TANC1: variants seen among roughly 807,000 people sequenced by gnomAD.
TANC1 encodes protein TANC1.
TANC1 carries 77 observed loss-of-function variants against 149.7 expected under a neutral mutation model. The observed-to-expected ratio is 0.51, with a 90% CI of 0.43 to 0.62. The LOEUF (loss-of-function observed/expected upper bound fraction) is 0.62. TANC1 is among the 20% of genes least tolerant of loss of function. TANC1 has a pLI of 0.00. For missense variants in TANC1, 1,985 were observed against 2,321.8 expected (o/e 0.85, Z 2.98); for synonymous variants, 854 against 925.0 (o/e 0.92, Z 1.39).
chr2:159,010,285 G>A (rs1223214116), intron 2 of TANC1, among the ~76,000 whole-genome samples: 1 of 152,176 alleles, frequency 6.6e-6, no homozygotes, highest in Non-Finnish European at 1.5e-5. Context: ...TAACTAATTA[G>A]TTGCATTTGT....
chr2:159,143,079 C>CAAAAAAAAA (rs57371944), intron 5 of TANC1, among the ~76,000 whole-genome samples: 3 of 133,862 alleles, frequency 2.2e-5, no homozygotes, highest in East Asian at 2.2e-4. Flanking sequence ...AAAAAAAAAA[C>CAAAAAAAAA]AACAAAACAA....
At position 159,150,390 on chromosome 2, in the gene TANC1, C is replaced by T. The variant is rs2052649429; in HGVS notation, c.516C>T (p.Gly172=). ...TGCAGTGCACAGCTCTGAGTCAAGG[C>T]ATCAGTCCTTGCTCCACACTAACAA... ...NETMCTALSQ[G]ISPCSTLTSS... is the part of the protein sequence containing the mutation. The change falls in exon 7 of 27, where the codon GGC becomes GGT. Residue 172 remains glycine, a synonymous_variant. Transcript: ENST00000263635. 1 of 1,614,126 alleles carries T rather than the reference C, an allele frequency of 6.2e-7. No homozygotes were observed. Among genetic ancestry groups the T allele is most frequent in the African/African-American group, 1.3e-5 (1 of 75,036 alleles).
chr2:159,153,320 C>T (rs936892263), intron 7 of TANC1, among the ~76,000 whole-genome samples: 3 of 152,202 alleles, frequency 2.0e-5, no homozygotes, highest in African/African-American at 7.2e-5. Context: ...CTGTGTTTTT[C>T]CTCTGCTCAA....
rs140307897 is a variant in TANC1 at position 158,985,119 on chromosome 2, G to C, written c.-125-15961G>C. 4.2e-4 allele frequency among the ~76,000 whole-genome samples: 64 copies of C among 152,324 alleles called. 5 individuals carry two copies. The highest frequency in any genetic ancestry group is 1.5e-3 in the African/African-American group (63 of 41,572). ...GAGGCTTTTGAAGTAGGTCAGGTGA[G>C]AGATGATGTTTGAGGCCTGAGTTAG... On this transcript the variant is annotated intron_variant, in intron 1 of 26. Coordinates refer to ENST00000263635, the MANE Select transcript of TANC1 (RefSeq NM_033394.3).
Position 159,102,979 on chromosome 2 carries a change from G to C in TANC1, c.259+5145G>C, listed in dbSNP as rs1257410756. Among the ~76,000 whole-genome samples, 10 of 90,470 alleles carry C rather than the reference G, an allele frequency of 1.1e-4. 5 individuals carry two copies. Among genetic ancestry groups the C allele is most frequent in the Non-Finnish European group, 3.1e-4 (10 of 32,724 alleles). 59.4% of individuals were successfully genotyped at this position (90,470 alleles called of 152,430 possible). On this transcript the variant is annotated intron_variant, in intron 4 of 26. Coordinates refer to ENST00000263635, the MANE Select transcript of TANC1 (RefSeq NM_033394.3). Reference sequence around the variant, plus strand: ...ACGATCCGCCCACCTTGGCCTCCCAGAGTGCTGGGATTACAGGCATGAGCC... The same window carrying C: ...ACGATCCGCCCACCTTGGCCTCCCACAGTGCTGGGATTACAGGCATGAGCC...
At chr2:159,072,859 C>T (rs1402945921) in intron 3 of TANC1, among the ~76,000 whole-genome samples, 1 of 152,128 alleles carries the variant, frequency 6.6e-6, no homozygotes, top group African/African-American at 2.4e-5. Context: ...AGCTTCTTTC[C>T]ATGACTTCCT....
chr2:159,206,110 G>A (rs1407597486), intron 19 of TANC1, among the ~76,000 whole-genome samples: 4 of 152,218 alleles, frequency 2.6e-5, no homozygotes, highest in Admixed American at 6.5e-5. Flanking sequence ...AAAGCAACAC[G>A]ATGGGGAGTA....
intron 2 of TANC1, among the ~76,000 whole-genome samples, chr2:159,045,180 C>T (rs756033990): frequency 1.1e-4 from 16 of 152,118 alleles, no homozygotes; most frequent in African/African-American, 2.2e-4. Flanking sequence ...ACATATGGGC[C>T]GGGCGCAGTG....
At chr2:159,158,194 A>G (rs1214827707) in intron 7 of TANC1, among the ~76,000 whole-genome samples, 1 of 151,918 alleles carries the variant, frequency 6.6e-6, no homozygotes, top group Non-Finnish European at 1.5e-5. Context: ...TGTTTCTACA[A>G]AAAAACTTAA....
chr2:159,068,808 C>T (rs1481410991), intron 3 of TANC1, among the ~76,000 whole-genome samples: 7 of 152,150 alleles, frequency 4.6e-5, no homozygotes, highest in Non-Finnish European at 1.0e-4. Flanking sequence ...TGCACCATCT[C>T]CACTCACTGC....
chr2:159,005,341 C>T (rs1044365317), intron 2 of TANC1, among the ~76,000 whole-genome samples: 42 of 152,214 alleles, frequency 2.8e-4, no homozygotes, highest in African/African-American at 8.9e-4. Flanking sequence ...CTATAATCCG[C>T]GCACTTTGGG....
intron 11 of TANC1, among the ~76,000 whole-genome samples, chr2:159,172,818 G>A (rs73967206): frequency 0.024 from 3,654 of 152,314 alleles, 154 homozygotes; most frequent in African/African-American, 0.083. Flanking sequence ...CATTAAAGCA[G>A]TTACATCCCT....
Position 159,178,662 on chromosome 2 carries a change from G to C in TANC1, c.2009G>C (p.Ser670Thr), listed in dbSNP as rs2056140313. The C allele has an allele frequency of 6.2e-7, 1 of 1,614,162 alleles. No individual in the cohort carries two copies. The highest frequency in any genetic ancestry group is 1.1e-5 in the South Asian group (1 of 91,076). Residue 670 changes from serine to threonine, a missense_variant, in exon 14 of 27, where the codon AGC becomes ACC. Physicochemically the swap from Ser to Thr is moderately conservative, Grantham distance 58 (BLOSUM62 1). Coordinates refer to ENST00000263635, the MANE Select transcript of TANC1 (RefSeq NM_033394.3). ...GCCTACGTCCAGCACAGGGTGCACA[G>C]CAGCCAGGACATCCTCAGCAACATC... is the stretch of plus-strand genomic sequence containing the variant. ...LHAYVQHRVHSSQDILSNISL... is the reference protein window; with the variant it reads ...LHAYVQHRVHTSQDILSNISL...
intron 7 of TANC1, among the ~76,000 whole-genome samples, chr2:159,162,467 T>C (rs1426308620): frequency 2.0e-5 from 3 of 152,234 alleles, no homozygotes; most frequent in African/African-American, 7.2e-5. Flanking sequence ...GGATCCCATA[T>C]GGCTCAGCAT....
intron 1 of TANC1, among the ~76,000 whole-genome samples, chr2:158,994,102 G>A (rs2035927528): frequency 6.6e-6 from 1 of 152,104 alleles, no homozygotes; most frequent in Non-Finnish European, 1.5e-5. Flanking sequence ...TCAGGGTAAT[G>A]GAGATTATAA....
chr2:159,046,557 G>A (rs1221706507), intron 2 of TANC1, among the ~76,000 whole-genome samples: 1 of 85,958 alleles, frequency 1.2e-5, no homozygotes, highest in African/African-American at 2.9e-5. Context: ...GTCTCTTCTG[G>A]GTTCCTATGC....
At chr2:159,097,953 T>A in intron 4 of TANC1, 119 bp downstream of exon 4, 1 of 834,272 alleles carries the variant, frequency 1.2e-6, no homozygotes, top group Non-Finnish European at 1.8e-6. Flanking sequence ...TCGCAGTATC[T>A]TCTAGAAGAA....
rs186372521 is a variant in TANC1 at position 159,137,491 on chromosome 2, T to A, written c.364+1193T>A. 1.2e-4 allele frequency among the ~76,000 whole-genome samples: 19 copies of A among 152,242 alleles called. No homozygotes were observed. In the East Asian group the frequency reaches 3.5e-3, roughly 28 times the overall value. On this transcript the variant is annotated intron_variant, in intron 5 of 26. Coordinates refer to ENST00000263635, the MANE Select transcript of TANC1 (RefSeq NM_033394.3). ...TTTTCCTTTCTGTCCAGGCACTCATTGTGTGGTTGAGGGAAGAGGATTTGA... is the reference window on the plus strand; with the variant it reads ...TTTTCCTTTCTGTCCAGGCACTCATAGTGTGGTTGAGGGAAGAGGATTTGA...
intron 3 of TANC1, among the ~76,000 whole-genome samples, chr2:159,067,762 C>T (rs375488356): frequency 1.3e-5 from 2 of 152,186 alleles, no homozygotes; most frequent in African/African-American, 4.8e-5. Flanking sequence ...CCTAAACTCA[C>T]CAGTCGGTAA....
Sources: allele counts gnomAD v4.1 joint callset (sites outside exome capture counted in the v4.1 genomes callset), GRCh38; gene constraint gnomAD v4.1.1; transcripts MANE v1.5; gene names NCBI Gene and HGNC (gene_info 2026-07-23, HGNC 2026-07-21).